The following ZSCAN5A variants were observed in gnomAD, a reference collection of about 807,000 sequenced individuals.
ZSCAN5A encodes zinc finger and SCAN domain-containing protein 5A.
Under a neutral mutation model 23.7 loss-of-function variants are expected in ZSCAN5A, and 12 were observed. That is an observed-to-expected ratio of 0.51 (90% CI 0.32 to 0.82). The LOEUF is 0.82. ZSCAN5A is among the 40% of genes least tolerant of loss of function. The pLI, the probability that ZSCAN5A is intolerant of heterozygous loss-of-function variation, is 0.03. For missense variants in ZSCAN5A, 597 were observed against 617.9 expected (o/e 0.97, Z 0.36); for synonymous variants, 257 against 239.9 (o/e 1.07, Z -0.66).
intron 2 of ZSCAN5A, among the ~76,000 whole-genome samples, chr19:56,274,291 T>G (rs1164430383): frequency 6.6e-6 from 1 of 151,874 alleles, no homozygotes; most frequent in Non-Finnish European, 1.5e-5. Context: ...CCATCTCTAC[T>G]AAAAATACAA....
At chr19:56,267,367 C>A (rs2037550014) in intron 2 of ZSCAN5A, among the ~76,000 whole-genome samples, 1 of 152,070 alleles carries the variant, frequency 6.6e-6, no homozygotes, top group Non-Finnish European at 1.5e-5. Context: ...ACTGTCATAG[C>A]AACCCTGTTA....
rs1174970099 is a variant in ZSCAN5A, at chr19:56,289,659, G to C, written c.-128+23624C>G. ...GATGGGTTCTCACTTTGTTGCCCAG[G>C]TTGGAGTGCAGTAGTGCAATCATAG... On this transcript the variant is annotated intron_variant, in intron 2 of 5. Coordinates refer to ENST00000683990, the MANE Select transcript of ZSCAN5A (RefSeq NM_001322064.3). Among the ~76,000 whole-genome samples, 3 of 152,146 alleles carry C rather than the reference G, an allele frequency of 2.0e-5. No individual in the cohort carries two copies. The East Asian group carries it at 5.8e-4, about 29-fold the overall frequency.
intron 2 of ZSCAN5A, chr19:56,320,851 T>G (rs558332848): frequency 8.0e-4 from 618 of 774,982 alleles, no homozygotes; most frequent in Non-Finnish European, 1.4e-3. Context: ...CGCTTTCAAG[T>G]CCATAATCCT....
chr19:56,332,580 A>G (rs1256718950), intron 2 of ZSCAN5A, among the ~76,000 whole-genome samples: 1 of 152,212 alleles, frequency 6.6e-6, no homozygotes, highest in African/African-American at 2.4e-5. Flanking sequence ...TGATAACAGC[A>G]GACAAATGAG....
chr19:56,283,705 C>T (rs80272177), intron 2 of ZSCAN5A: 1 of 152,268 alleles, frequency 6.6e-6, no homozygotes, highest in East Asian at 1.9e-4. Context: ...GTTTGAGTTC[C>T]TGCTTTTTCA....
At chr19:56,271,461 T>C (rs1453419638) in intron 2 of ZSCAN5A, among the ~76,000 whole-genome samples, 4 of 152,236 alleles carry the variant, frequency 2.6e-5, no homozygotes, top group Non-Finnish European at 5.9e-5. Flanking sequence ...TTTCTTCTGC[T>C]CATTATAACA....
intron 2 of ZSCAN5A, among the ~76,000 whole-genome samples, chr19:56,330,643 C>T (rs959690411): frequency 1.3e-5 from 2 of 152,118 alleles, no homozygotes; most frequent in African/African-American, 4.8e-5. Flanking sequence ...TGACAAGTGT[C>T]TGTTTACATC....
chr19:56,262,676 C>T (rs2037210123), intron 2 of ZSCAN5A, among the ~76,000 whole-genome samples: 1 of 152,124 alleles, frequency 6.6e-6, no homozygotes, highest in South Asian at 2.1e-4. Flanking sequence ...AAGTAATCCA[C>T]CCACCACAGC....
chr19:56,269,313 A>C (rs982337547), intron 2 of ZSCAN5A, among the ~76,000 whole-genome samples: 3 of 152,212 alleles, frequency 2.0e-5, no homozygotes, highest in African/African-American at 7.2e-5. Flanking sequence ...ATTATATGGC[A>C]TAATAATATA....
chr19:56,248,791 T>C (rs1257274910), intron 2 of ZSCAN5A, among the ~76,000 whole-genome samples: 4 of 151,936 alleles, frequency 2.6e-5, no homozygotes, highest in Admixed American at 6.6e-5. Context: ...AGCACAGAGT[T>C]CCCCTAGACT....
chr19:56,266,490 CCA>C (rs1491372732), intron 2 of ZSCAN5A: 1 of 111,690 alleles, frequency 9.0e-6, no homozygotes, highest in Non-Finnish European at 1.9e-5. Context: ...GGAGATGCCC[CCA>C]CTTTTTTTTT....
At chr19:56,253,715 A>AT (rs911912065) in intron 2 of ZSCAN5A, among the ~76,000 whole-genome samples, 50 of 151,576 alleles carry the variant, frequency 3.3e-4, no homozygotes, top group Middle Eastern at 3.4e-3. Flanking sequence ...CACTAAATAC[A>AT]TTTTTTTTTC....
intron 2 of ZSCAN5A, chr19:56,247,295 C>G: frequency 3.3e-6 from 1 of 304,674 alleles, no homozygotes; most frequent in Non-Finnish European, 6.4e-6. Flanking sequence ...AGGAGCCACA[C>G]GGGGGAGAAG....
intron 2 of ZSCAN5A, among the ~76,000 whole-genome samples, chr19:56,329,360 A>G (rs2041468850): frequency 6.6e-6 from 1 of 152,086 alleles, no homozygotes; most frequent in Admixed American, 6.6e-5. Flanking sequence ...GAAAACAAAA[A>G]CAAAAACAAA....
intron 2 of ZSCAN5A, among the ~76,000 whole-genome samples, chr19:56,233,350 G>A (rs1046425719): frequency 2.9e-4 from 44 of 152,140 alleles, no homozygotes; most frequent in African/African-American, 9.9e-4. Context: ...CGGTGTCCAC[G>A]TTTTGTCTTT....
intron 2 of ZSCAN5A, among the ~76,000 whole-genome samples, chr19:56,248,643 G>T (rs1286998162): frequency 2.0e-5 from 3 of 152,074 alleles, no homozygotes; most frequent in Non-Finnish European, 4.4e-5. Context: ...TTGTTGCCAA[G>T]GCTGGTCTCA....
At chr19:56,294,231 G>A (rs980020120) in intron 2 of ZSCAN5A, among the ~76,000 whole-genome samples, 1 of 152,158 alleles carries the variant, frequency 6.6e-6, no homozygotes, top group Admixed American at 6.5e-5. Context: ...GGGCCCACCA[G>A]GTGCCAAGCT....
chr19:56,337,767 T>G (rs1237491833), intron 2 of ZSCAN5A, among the ~76,000 whole-genome samples: 1 of 152,250 alleles, frequency 6.6e-6, no homozygotes, highest in African/African-American at 2.4e-5. Flanking sequence ...TTGCTTGTTT[T>G]ACTTAACAAT....
chr19:56,322,889 TTTC>T (rs2041391613), intron 2 of ZSCAN5A, among the ~76,000 whole-genome samples: 1 of 147,796 alleles, frequency 6.8e-6, no homozygotes, highest in East Asian at 1.9e-4. Flanking sequence ...TTTTTATTGG[TTTC>T]TTTTTTTTTT....
Sources: gnomAD v4.1 joint callset for allele counts (sites outside exome capture counted in the v4.1 genomes callset) on GRCh38, gnomAD v4.1.1 for gene constraint, MANE v1.5 for transcripts, NCBI Gene and HGNC (gene_info 2026-07-23, HGNC 2026-07-21) for gene names.